USP42: variants seen among roughly 807,000 people sequenced by gnomAD.
The protein encoded by USP42 is ubiquitin carboxyl-terminal hydrolase 42.
Under a neutral mutation model 113.0 loss-of-function variants are expected in USP42, and 23 were observed. The observed-to-expected ratio is 0.20, with a 90% CI of 0.15 to 0.29. USP42 has a LOEUF of 0.29. Ranked by LOEUF, USP42 falls within the 10% of genes least tolerant of loss-of-function variation. The probability of loss-of-function intolerance (pLI) is 1.00; values close to 1 mark genes in which losing one functional copy is unlikely to be tolerated. For missense variants in USP42, 2,174 were observed against 1,779.8 expected, an observed-to-expected ratio of 1.22 and a Z score of -3.99; for synonymous variants, 933 against 699.0, an observed-to-expected ratio of 1.33 and a Z score of -5.28.
chr7:6,153,306 A>AC (rs1019644711), intron 14 of USP42, among the ~76,000 whole-genome samples: 4 of 151,814 alleles, frequency 2.6e-5, no homozygotes, highest in East Asian at 1.9e-4. Context: ...ACAAAACAAA[A>AC]AAAAAAAATA....
rs1782343673 is a variant in USP42, at chr7:6,154,899, C to T, written c.3345C>T (p.Ser1115=). ...GGGAGAGGGAGCGGCACCGCCCCAG[C>T]AGCCCCCGCGCAGGCGCGCCCCACG... is the stretch of plus-strand genomic sequence containing the variant. ...PARERERHRP[S]SPRAGAPHAL... Residue 1115 remains serine, a synonymous_variant, in exon 15 of 18, where the codon AGC becomes AGT. Coordinates refer to ENST00000306177, the MANE Select transcript of USP42 (RefSeq NM_032172.3). 1 of 1,542,344 alleles carries T rather than the reference C, an allele frequency of 6.5e-7. No individual in the cohort carries two copies.
At chr7:6,118,540 G>GAAAA (rs78650996) in intron 3 of USP42, among the ~76,000 whole-genome samples, 1 of 140,944 alleles carries the variant, frequency 7.1e-6, no homozygotes, top group East Asian at 2.0e-4. Flanking sequence ...GAAAAGACAA[G>GAAAA]AAAAAAAAAA....
At chr7:6,129,570 A>G (rs1780731076) in intron 3 of USP42, among the ~76,000 whole-genome samples, 1 of 140,244 alleles carries the variant, frequency 7.1e-6, no homozygotes, top group Non-Finnish European at 1.5e-5. Flanking sequence ...AAAAAAAAAA[A>G]AAAAAAAGGA....
chr7:6,144,193 T>C lies in USP42; in HGVS notation c.987T>C (p.Ala329=). The change falls in exon 9 of 18, where the codon GCT becomes GCC. Residue 329 remains alanine (A), a synonymous_variant. Coordinates refer to ENST00000306177, the MANE Select transcript of USP42 (RefSeq NM_032172.3). ...CAAATTTTACCGGTGGAAAAATTGC[T>C]AAGGTATGTGGATGATGTCATTAAT... ...RFANFTGGKI[A]KDVKYPEYLD... is the part of the protein sequence containing the mutation. 4.4e-6 allele frequency: 7 copies of C among 1,579,482 alleles called. No homozygotes were observed. Among genetic ancestry groups the C allele is most frequent in the Non-Finnish European group, 6.0e-6 (7 of 1,161,798 alleles).
In USP42 at chr7:6,149,965, A is replaced by G; in HGVS notation, c.1769A>G (p.Gln590Arg). The change falls in exon 13 of 18, where the codon CAG becomes CGG. Residue 590 changes from glutamine (Q) to arginine (R), a missense_variant. Coordinates refer to ENST00000306177, the MANE Select transcript of USP42 (RefSeq NM_032172.3). The stretch of plus-strand genomic sequence containing the variant: ...ATCCCCCGCAGTGAATCCTGCTCCC[A>G]GCCCGTGATGAATGGCAAATCCAAG... ...KPIPRSESCS[Q>R]PVMNGKSKLN... 1 of 1,613,962 alleles carries G rather than the reference A, an allele frequency of 6.2e-7. No individual in the cohort carries two copies. Among genetic ancestry groups the G allele is most frequent in the Non-Finnish European group, 8.5e-7 (1 of 1,179,886 alleles).
the USP42 span, among the ~76,000 whole-genome samples, chr7:6,086,131 G>A: frequency 6.7e-6 from 1 of 149,526 alleles, no homozygotes; most frequent in Non-Finnish European, 1.5e-5. Flanking sequence ...CGCCTCACAG[G>A]TTCAAGCAAT....
At chr7:6,090,341 TA>T in the USP42 span, among the ~76,000 whole-genome samples, 1 of 120,642 alleles carries the variant, frequency 8.3e-6, no homozygotes, top group African/African-American at 3.8e-5. Flanking sequence ...TTTCTTTATA[TA>T]TATATTTATA....
chr7:6,151,605 T>A (rs999196464), intron 14 of USP42, among the ~76,000 whole-genome samples: 2 of 138,304 alleles, frequency 1.4e-5, no homozygotes, highest in African/African-American at 3.4e-5. Context: ...ACCCAGCTAA[T>A]TTTTTTTTTG....
At chr7:6,125,993 G>C (rs1244434858) in intron 3 of USP42, among the ~76,000 whole-genome samples, 1 of 152,118 alleles carries the variant, frequency 6.6e-6, no homozygotes, top group Non-Finnish European at 1.5e-5. Flanking sequence ...AAGCACAGTA[G>C]TGACATTGAT....
At chr7:6,128,814 C>G (rs10245357) in intron 3 of USP42, among the ~76,000 whole-genome samples, 1 of 150,970 alleles carries the variant, frequency 6.6e-6, no homozygotes, top group Non-Finnish European at 1.5e-5. Flanking sequence ...TTACTTGAGT[C>G]TTTCTTTCTT....
At chr7:6,155,531 G>C (rs1562860167) in intron 15 of USP42, among the ~76,000 whole-genome samples, 1 of 152,178 alleles carries the variant, frequency 6.6e-6, no homozygotes, top group Non-Finnish European at 1.5e-5. Context: ...GGGAGTCTTT[G>C]ACCTTAGAAT....
In USP42 at chr7:6,157,028, A is replaced by T. The variant is rs750318624; in HGVS notation, c.3916A>T (p.Arg1306Trp). 1 of 1,610,404 alleles carries T rather than the reference A, an allele frequency of 6.2e-7. No homozygotes were observed. Among genetic ancestry groups the T allele is most frequent in the East Asian group, 2.2e-5 (1 of 44,862 alleles). The change falls in exon 16 of 18, where the codon AGG (arginine) becomes TGG (tryptophan). Residue 1306 changes from arginine to tryptophan, a missense_variant. By Grantham distance (101) the Arg-to-Trp change is moderately radical. Coordinates refer to ENST00000306177, the MANE Select transcript of USP42 (RefSeq NM_032172.3). This position sits in a 1 kb window ranked among gnomAD's most constrained non-coding sequence, Gnocchi z 4.1. Reference sequence around the variant, plus strand: ...CTTACGGATGGAAAGCAGGGATGACAGGTGTCGTCTCTTTGAGTATGGCCA... The same window carrying T: ...CTTACGGATGGAAAGCAGGGATGACTGGTGTCGTCTCTTTGAGTATGGCCA... ...KHLRMESRDDRCRLFEYGQGD is the reference protein window; with the variant it reads ...KHLRMESRDDWCRLFEYGQGD
upstream of USP42, among the ~76,000 whole-genome samples, chr7:6,100,010 TTA>T (rs1790071149): frequency 2.0e-5 from 3 of 148,722 alleles, no homozygotes; most frequent in African/African-American, 5.1e-5. Flanking sequence ...AAGTCTATTA[TTA>T]TTATTATTAT....
intron 10 of USP42, 89 bp downstream of exon 10, chr7:6,145,745 T>A (rs1298332480): frequency 1.4e-6 from 2 of 1,426,708 alleles, no homozygotes; most frequent in Non-Finnish European, 1.9e-6. Context: ...GGTGGAACTT[T>A]TACAGTTAAA....
chr7:6,098,654 C>T, the USP42 span, among the ~76,000 whole-genome samples: 7 of 150,324 alleles, frequency 4.7e-5, 1 homozygote, highest in African/African-American at 7.4e-5. Flanking sequence ...CCGGTTCAAA[C>T]GATTCTCCTG....
chr7:6,117,870 G>A (rs982258994), intron 3 of USP42, among the ~76,000 whole-genome samples: 1 of 152,066 alleles, frequency 6.6e-6, no homozygotes, highest in Non-Finnish European at 1.5e-5. Flanking sequence ...TTTGCCATCC[G>A]TATATTTCCT....
the USP42 span, among the ~76,000 whole-genome samples, chr7:6,082,879 G>A: frequency 6.7e-6 from 1 of 149,074 alleles, no homozygotes; most frequent in East Asian, 1.9e-4. Flanking sequence ...CCAAAGTGCT[G>A]GGATTACAGG....
In USP42 at chr7:6,139,902, C is replaced by T. The variant is rs979953630; in HGVS notation, c.657-226C>T. 2.1e-5 allele frequency: 12 copies of T among 573,168 alleles called. 1 individual carries two copies. Among genetic ancestry groups the T allele is most frequent in the African/African-American group, 1.3e-4 (7 of 52,744 alleles). 35.5% of individuals were successfully genotyped at this position (573,168 alleles called of 1,614,324 possible). A position where few individuals can be genotyped will look rare whatever the true frequency, so the allele number is the denominator to read the frequency against. On this transcript the variant is annotated intron_variant, in intron 5 of 17. Transcript: ENST00000306177. This position sits in a 1 kb window ranked among gnomAD's most constrained non-coding sequence, Gnocchi z 4.5. ...GCTTCCCGAGTCCCTTCCTGACAGA[C>T]ACAGCTCCCACAGCTCTGCGTCTCC... is the stretch of plus-strand genomic sequence containing the variant.
In USP42 at chr7:6,124,863, G is replaced by A. The variant is rs141009862; in HGVS notation, c.442+9340G>A. ...GGTTACTTTAGGTTATATCTTTAAC[G>A]TATCAGTTTACCTTCAAATAACATT... is the stretch of plus-strand genomic sequence containing the variant. On this transcript the variant is annotated intron_variant, in intron 3 of 17. Coordinates refer to ENST00000306177, the MANE Select transcript of USP42 (RefSeq NM_032172.3). Among the ~76,000 whole-genome samples, 14 of 151,482 alleles carry A rather than the reference G, an allele frequency of 9.2e-5. No individual in the cohort carries two copies. In the East Asian group the frequency reaches 1.9e-3, roughly 21 times the overall value.
Sources: gnomAD v4.1 joint callset for allele counts (sites outside exome capture counted in the v4.1 genomes callset) on GRCh38, gnomAD v4.1.1 for gene constraint, Gnocchi (gnomAD v3.1) non-coding constraint, MANE v1.5 for transcripts, NCBI Gene and HGNC (gene_info 2026-07-23, HGNC 2026-07-21) for gene names.